Variants in MYO9A observed in about 807,000 individuals in gnomAD.
MYO9A encodes the protein unconventional myosin-IXa.
In MYO9A, 103 loss-of-function variants were observed where a neutral mutation model predicts 293.3. The ratio of observed to expected loss-of-function variants is 0.35; its 90% CI spans 0.30 to 0.41. MYO9A has a LOEUF of 0.41. MYO9A is among the 10% of genes least tolerant of loss of function. MYO9A has a pLI of 1.00. For missense variants in MYO9A, 2,685 were observed against 3,033.0 expected (o/e 0.89, Z 2.69); for synonymous variants, 1,001 against 1,035.7 (o/e 0.97, Z 0.64).
chr15:71,880,636 T>G, intron 28 of MYO9A, 78 bp from the exon 29 acceptor site: 2 of 1,288,336 alleles, frequency 1.6e-6, no homozygotes, highest in Non-Finnish European at 2.2e-6. Flanking sequence ...CTTTTTAAAG[T>G]TCCTTTAACA....
In MYO9A at chr15:71,936,797, A is replaced by G. The variant is rs139315161; in HGVS notation, c.2379-1313T>C. 2.5e-3 allele frequency among the ~76,000 whole-genome samples: 386 copies of G among 152,228 alleles called. 2 individuals are homozygous for G. Among genetic ancestry groups the G allele is most frequent in the African/African-American group, 9.0e-3 (374 of 41,560 alleles). On this transcript the variant is annotated intron_variant, in intron 16 of 41. Transcript: ENST00000356056. ...TTGTATTTTCATTATTTTGTGCTAAACCATTAAAAAAAAGTCAGTGAATCA... is the reference window on the plus strand; with the variant it reads ...TTGTATTTTCATTATTTTGTGCTAAGCCATTAAAAAAAAGTCAGTGAATCA...
intron 1 of MYO9A, among the ~76,000 whole-genome samples, chr15:72,061,146 G>A (rs183268560): frequency 6.6e-6 from 1 of 151,788 alleles, no homozygotes; most frequent in Non-Finnish European, 1.5e-5. Flanking sequence ...CTGCCTAAAG[G>A]GTCCTTGGAC....
chr15:71,977,221 A>G (rs1203694243), intron 12 of MYO9A, among the ~76,000 whole-genome samples: 1 of 152,140 alleles, frequency 6.6e-6, no homozygotes, highest in Non-Finnish European at 1.5e-5. Context: ...AATTTACCAT[A>G]ACATTCTTTT....
intron 29 of MYO9A, 97 bp from the exon 30 acceptor site, chr15:71,879,934 C>T (rs900702763): frequency 1.2e-6 from 1 of 832,636 alleles, no homozygotes; most frequent in Non-Finnish European, 2.0e-6. Context: ...AATGACTGTC[C>T]TCAAAGTGCA....
chr15:72,104,090 T>G (rs2080485614), intron 1 of MYO9A, among the ~76,000 whole-genome samples: 1 of 152,208 alleles, frequency 6.6e-6, no homozygotes, highest in Admixed American at 6.5e-5. Context: ...ATACTTCAAA[T>G]TTTGAATTTT....
At chr15:72,017,451 G>A (rs1186759308) in intron 6 of MYO9A, among the ~76,000 whole-genome samples, 1 of 152,112 alleles carries the variant, frequency 6.6e-6, no homozygotes, top group Admixed American at 6.5e-5. Context: ...TTCCAAGGAG[G>A]CATGGTCACT....
chr15:71,861,659 C>T (rs7497104), intron 33 of MYO9A, among the ~76,000 whole-genome samples: 46,605 of 139,680 alleles, frequency 0.33, 8,548 homozygotes, highest in East Asian at 0.62. Flanking sequence ...GTGCCATCAC[C>T]GTTTTAGGCA....
At chr15:71,988,092 T>A (rs2957747) in intron 11 of MYO9A, among the ~76,000 whole-genome samples, 1 of 152,140 alleles carries the variant, frequency 6.6e-6, no homozygotes, top group Non-Finnish European at 1.5e-5. Flanking sequence ...ATAAAGAATG[T>A]TTGTCTTTTT....
chr15:72,022,933 A>G, intron 4 of MYO9A, among the ~76,000 whole-genome samples: 1 of 152,188 alleles, frequency 6.6e-6, no homozygotes. Flanking sequence ...TACAAAGTAG[A>G]AAAAGTATTA....
chr15:71,966,592 C>T (rs1311302941), intron 13 of MYO9A, among the ~76,000 whole-genome samples: 1 of 152,098 alleles, frequency 6.6e-6, no homozygotes, highest in Non-Finnish European at 1.5e-5. Flanking sequence ...AGCCAGAGGT[C>T]ACTTACTCAT....
chr15:72,032,647 G>C (rs1307432494), intron 2 of MYO9A, 59 bp from the exon 3 acceptor site: 3 of 1,126,112 alleles, frequency 2.7e-6, no homozygotes, highest in Non-Finnish European at 3.8e-6. Flanking sequence ...TTTTTTGGAG[G>C]GGGGATTAGG....
At chr15:72,074,951 C>CT (rs750462703) in intron 1 of MYO9A, among the ~76,000 whole-genome samples, 554 of 53,110 alleles carry the variant, frequency 0.01, 73 homozygotes, top group African/African-American at 0.033. Context: ...TTTTCACTGC[C>CT]TTTTTTTTTT....
chr15:71,883,292 G>T (rs562007428), intron 28 of MYO9A, among the ~76,000 whole-genome samples: 1 of 152,282 alleles, frequency 6.6e-6, no homozygotes, highest in East Asian at 1.9e-4. Context: ...ATACATATTT[G>T]TTAAATGAAT....
At chr15:71,969,109 C>T (rs192588468) in intron 12 of MYO9A, among the ~76,000 whole-genome samples, 39 of 152,180 alleles carry the variant, frequency 2.6e-4, no homozygotes, top group Admixed American at 2.1e-3. Flanking sequence ...GTCTTCTAAC[C>T]CACAAAATGA....
intron 6 of MYO9A, among the ~76,000 whole-genome samples, chr15:72,018,096 T>C (rs2077395268): frequency 1.3e-5 from 2 of 151,844 alleles, no homozygotes; most frequent in South Asian, 2.1e-4. Flanking sequence ...TACAGTAATA[T>C]AATTTTTAAA....
At chr15:71,890,598 T>C (rs902518978) in intron 26 of MYO9A, 1 of 152,136 alleles carries the variant, frequency 6.6e-6, no homozygotes, top group Admixed American at 6.6e-5. Flanking sequence ...GAGCAGCACA[T>C]AGAGACTAAA....
intron 14 of MYO9A, among the ~76,000 whole-genome samples, chr15:71,954,483 G>A (rs1385782873): frequency 2.6e-5 from 4 of 152,212 alleles, no homozygotes; most frequent in African/African-American, 7.2e-5. Context: ...GATTATAGGC[G>A]TAAGCCACCG....
chr15:72,081,931 G>T, intron 1 of MYO9A, among the ~76,000 whole-genome samples: 1 of 151,920 alleles, frequency 6.6e-6, no homozygotes, highest in South Asian at 2.1e-4. Context: ...TTTTGTTTCC[G>T]GTAGCCCTTT....
chr15:72,100,546 G>C (rs1399878856), intron 1 of MYO9A, among the ~76,000 whole-genome samples: 2 of 148,088 alleles, frequency 1.4e-5, no homozygotes, highest in African/African-American at 5.0e-5. Context: ...ATCACATCTA[G>C]GAAGTGAGGA....
Sources: gnomAD v4.1 joint callset for allele counts (sites outside exome capture counted in the v4.1 genomes callset) on GRCh38, gnomAD v4.1.1 for gene constraint, MANE v1.5 for transcripts, NCBI Gene and HGNC (gene_info 2026-07-23, HGNC 2026-07-21) for gene names.